Variants in GSE1 observed in about 807,000 individuals in gnomAD.
GSE1 encodes Gse1 coiled-coil protein.
In GSE1, 32 loss-of-function variants were observed where a neutral mutation model predicts 112.6. The observed-to-expected ratio is 0.28, with a 90% CI of 0.21 to 0.38. GSE1 has a LOEUF of 0.38. GSE1 is among the 10% of genes least tolerant of loss of function. The probability of loss-of-function intolerance (pLI) is 1.00; values close to 1 mark genes in which losing one functional copy is unlikely to be tolerated. For synonymous variants in GSE1, 1,115 were observed against 735.6 expected (o/e 1.52, Z -8.35); for missense variants, 2,348 against 1,699.2 (o/e 1.38, Z -6.71).
At chr16:85,383,795 G>C (rs2047622569) in intron 2 of GSE1, among the ~76,000 whole-genome samples, 1 of 152,176 alleles carries the variant, frequency 6.6e-6, no homozygotes, top group Non-Finnish European at 1.5e-5. Context: ...TCCCCATGAA[G>C]GCAGGAAGTC....
exon 1 of GSE1, chr16:85,170,263 G>A: frequency 4.1e-6 from 4 of 985,662 alleles, no homozygotes; most frequent in Non-Finnish European, 4.8e-6. Context: ...CGCGGATGGG[G>A]AGCCCAAGTC....
At chr16:85,428,851 T>TG (rs2049052398) in intron 2 of GSE1, among the ~76,000 whole-genome samples, 1 of 152,162 alleles carries the variant, frequency 6.6e-6, no homozygotes, top group Non-Finnish European at 1.5e-5. Flanking sequence ...GACAAACGCC[T>TG]GGGGGGTCCC....
chr16:85,360,797 G>T (rs987323685), intron 2 of GSE1, among the ~76,000 whole-genome samples: 2 of 151,738 alleles, frequency 1.3e-5, no homozygotes, highest in East Asian at 1.9e-4. Context: ...ACACACATAC[G>T]CAGACACATG....
chr16:85,644,604 G>A (rs1427532668), intron 2 of GSE1, among the ~76,000 whole-genome samples: 2 of 152,282 alleles, frequency 1.3e-5, no homozygotes, highest in East Asian at 1.9e-4. Context: ...TGAAGTCTCC[G>A]GAACAGGCCC....
intron 1 of GSE1, chr16:85,593,625 C>G (rs945187544): frequency 6.6e-6 from 1 of 152,186 alleles, no homozygotes; most frequent in African/African-American, 2.4e-5. Context: ...CACTCCCCCC[C>G]TACCAGGGCT....
upstream of GSE1, among the ~76,000 whole-genome samples, chr16:85,611,183 G>GGTT (rs547990008): frequency 3.3e-5 from 5 of 152,302 alleles, no homozygotes; most frequent in South Asian, 1.0e-3. Flanking sequence ...GTGGGAAAGG[G>GGTT]GTTGGGCCAG....
At chr16:85,291,645 G>A (rs971645092) in intron 1 of GSE1, among the ~76,000 whole-genome samples, 3 of 152,138 alleles carry the variant, frequency 2.0e-5, no homozygotes, top group African/African-American at 4.8e-5. Flanking sequence ...CCGGCCAGCC[G>A]CAGCTGCTGA....
intron 2 of GSE1, among the ~76,000 whole-genome samples, chr16:85,446,046 T>G (rs1329597536): frequency 6.6e-6 from 1 of 152,190 alleles, no homozygotes; most frequent in Non-Finnish European, 1.5e-5. Flanking sequence ...GCACACACAG[T>G]GAGCGTTCTG....
chr16:85,518,707 T>C (rs1052037231), intron 2 of GSE1, among the ~76,000 whole-genome samples: 3 of 152,042 alleles, frequency 2.0e-5, no homozygotes, highest in Non-Finnish European at 1.5e-5. Context: ...GGCCTTGTTT[T>C]AAATCACCCA....
intron 2 of GSE1, among the ~76,000 whole-genome samples, chr16:85,430,647 A>AC (rs2049097744): frequency 6.6e-6 from 1 of 152,162 alleles, no homozygotes; most frequent in South Asian, 2.1e-4. Flanking sequence ...GCCTGGTGCC[A>AC]CCCCCAGAGG....
chr16:85,385,210 T>C lies in GSE1; in HGVS notation c.2464+27567T>C, dbSNP rs116560651. 5.8e-3 allele frequency among the ~76,000 whole-genome samples: 890 copies of C among 152,306 alleles called. 12 individuals are homozygous for C. Among genetic ancestry groups the C allele is most frequent in the African/African-American group, 0.02 (838 of 41,568 alleles). ...CAGCAGGTGTTTTGGGGTGGGTGCC[T>C]CCAGCCTGTGGCTGCTTGTCCGGGG... On this transcript the variant is annotated intron_variant, in intron 2 of 2. Coordinates refer to the GSE1 transcript ENST00000637419.
rs775018067 is a variant in GSE1 at position 85,378,379 on chromosome 16, T to A, written c.2464+20736T>A. ...GTCTCCTCTCTGTGCCAGGAGGCAG[T>A]CAGGGGTCCCAGCCTGCGCCTGGCA... On this transcript the variant is annotated intron_variant, in intron 2 of 2. Transcript: ENST00000637419. Among the ~76,000 whole-genome samples the A allele has an allele frequency of 8.5e-4, 130 of 152,206 alleles. 1 individual carries two copies. In the Middle Eastern group the frequency reaches 0.02, roughly 24 times the overall value.
chr16:85,177,644 C>A (rs1460607475), intron 1 of GSE1, among the ~76,000 whole-genome samples: 3 of 152,152 alleles, frequency 2.0e-5, no homozygotes. Context: ...GTTCTGAGGC[C>A]ATGTCTGGAC....
At chr16:85,413,127 T>G (rs1375422342) in intron 2 of GSE1, among the ~76,000 whole-genome samples, 1 of 152,136 alleles carries the variant, frequency 6.6e-6, no homozygotes, top group Non-Finnish European at 1.5e-5. Context: ...CCCTTTTCCA[T>G]TTTGAAGCCT....
chr16:85,441,763 A>G (rs906222179), intron 2 of GSE1, among the ~76,000 whole-genome samples: 9 of 152,200 alleles, frequency 5.9e-5, no homozygotes, highest in African/African-American at 2.2e-4. Flanking sequence ...AGAGAAAGAC[A>G]CCAGGATTGA....
chr16:85,484,938 G>A (rs897702994), intron 2 of GSE1, among the ~76,000 whole-genome samples: 10 of 152,136 alleles, frequency 6.6e-5, no homozygotes, highest in African/African-American at 1.9e-4. Flanking sequence ...GCTGCACCCC[G>A]AATCTAGCCT....
intron 1 of GSE1, among the ~76,000 whole-genome samples, chr16:85,238,597 C>T (rs1597873949): frequency 6.6e-6 from 1 of 152,174 alleles, no homozygotes; most frequent in Non-Finnish European, 1.5e-5. Context: ...GGCCGCCAGC[C>T]TCTGCACTCC....
At chr16:85,662,492 C>G (rs1031065954) in intron 9 of GSE1, 1 of 154,170 alleles carries the variant, frequency 6.5e-6, no homozygotes, top group African/African-American at 2.4e-5. Context: ...ATTTCTCTCC[C>G]CTACTCACTT....
intron 1 of GSE1, among the ~76,000 whole-genome samples, chr16:85,317,650 C>A (rs532348330): frequency 6.6e-6 from 1 of 152,082 alleles, no homozygotes; most frequent in Non-Finnish European, 1.5e-5. Flanking sequence ...GGCATCCATG[C>A]GCCCTGCACA....
Sources: gnomAD v4.1 joint callset for allele counts (sites outside exome capture counted in the v4.1 genomes callset) on GRCh38, gnomAD v4.1.1 for gene constraint, MANE v1.5 for transcripts, NCBI Gene and HGNC (gene_info 2026-07-23, HGNC 2026-07-21) for gene names.